The following KIAA0319 variants were observed in gnomAD, a reference collection of about 807,000 sequenced individuals.
KIAA0319 encodes dyslexia-associated protein KIAA0319.
Under a neutral mutation model 108.4 loss-of-function variants are expected in KIAA0319, and 83 were observed. The ratio of observed to expected loss-of-function variants is 0.77; its 90% CI spans 0.64 to 0.92. The LOEUF is 0.92. Ranked by LOEUF, KIAA0319 falls within the 40% of genes least tolerant of loss-of-function variation. The pLI, the probability that KIAA0319 is intolerant of heterozygous loss-of-function variation, is 0.00. For missense variants in KIAA0319, 1,195 were observed against 1,322.4 expected, an observed-to-expected ratio of 0.90 and a Z score of 1.49; for synonymous variants, 484 against 510.4, an observed-to-expected ratio of 0.95 and a Z score of 0.70.
chr6:24,629,514 CAAAAAAA>C (rs397974257), intron 1 of KIAA0319, among the ~76,000 whole-genome samples: 1 of 42,412 alleles, frequency 2.4e-5, no homozygotes, highest in African/African-American at 1.1e-4. Flanking sequence ...GACTCTGTCT[CAAAAAAA>C]AAAAAAAAAA....
chr6:24,646,186 T>A lies in KIAA0319; in HGVS notation c.-556A>T, dbSNP rs1479007396. ...CAGGCTCGGGGAAAGCGCGCGCCAG[T>A]GATTCAGCGCCTTTCCGCCGCCGCG... On this transcript the variant is annotated 5_prime_UTR_variant, in exon 1 of 21. Transcript: ENST00000378214. 1.3e-5 allele frequency: 2 copies of A among 152,098 alleles called. No homozygotes were observed. Among genetic ancestry groups the A allele is most frequent in the African/African-American group, 4.8e-5 (2 of 41,376 alleles). 9.4% of individuals were successfully genotyped at this position (152,098 alleles called of 1,614,324 possible).
chr6:24,603,904 G>A (rs1301613242), intron 1 of KIAA0319, among the ~76,000 whole-genome samples: 2 of 152,124 alleles, frequency 1.3e-5, no homozygotes, highest in Non-Finnish European at 2.9e-5. Flanking sequence ...CGACCACACC[G>A]AGCACAGCTG....
chr6:24,618,902 T>C (rs1272675235), intron 1 of KIAA0319, among the ~76,000 whole-genome samples: 2 of 152,148 alleles, frequency 1.3e-5, no homozygotes, highest in Admixed American at 6.5e-5. Context: ...ATGGGCTAAA[T>C]AGCAGATTAG....
At chr6:24,627,495 C>T (rs1193901210) in intron 1 of KIAA0319, among the ~76,000 whole-genome samples, 2 of 152,058 alleles carry the variant, frequency 1.3e-5, no homozygotes, top group Non-Finnish European at 2.9e-5. Flanking sequence ...TCCCTCCTTT[C>T]CTCTCTCCCT....
At chr6:24,588,507 A>G in intron 4 of KIAA0319, 86 bp downstream of exon 4, 1 of 1,098,944 alleles carries the variant, frequency 9.1e-7, no homozygotes, top group Non-Finnish European at 1.4e-6. Context: ...GCCTGGAGGG[A>G]ATGAGTAAAC....
chr6:24,576,290 T>C, intron 10 of KIAA0319, 78 bp downstream of exon 10: 1 of 1,130,706 alleles, frequency 8.8e-7, no homozygotes, highest in African/African-American at 1.5e-5. Context: ...TTTAACTGCC[T>C]ACCCCAACCA....
intron 1 of KIAA0319, among the ~76,000 whole-genome samples, chr6:24,613,848 C>T (rs1209514480): frequency 3.3e-5 from 5 of 152,156 alleles, no homozygotes; most frequent in African/African-American, 1.2e-4. Context: ...CGGCTAACAG[C>T]TTTCATCTCA....
downstream of KIAA0319, among the ~76,000 whole-genome samples, chr6:24,543,652 G>A (rs973483164): frequency 2.0e-5 from 3 of 152,100 alleles, no homozygotes; most frequent in African/African-American, 4.8e-5. Context: ...GGCTGGTCTC[G>A]AACTCCTGGA....
chr6:24,561,319 T>C (rs1433643983), intron 16 of KIAA0319, among the ~76,000 whole-genome samples: 1 of 152,254 alleles, frequency 6.6e-6, no homozygotes, highest in Non-Finnish European at 1.5e-5. Context: ...GGACTGTTCA[T>C]TCTTTAAACA....
chr6:24,602,817 G>T (rs1051481828), intron 1 of KIAA0319, among the ~76,000 whole-genome samples: 1 of 151,942 alleles, frequency 6.6e-6, no homozygotes, highest in Non-Finnish European at 1.5e-5. Flanking sequence ...AACAAAAAAA[G>T]AAAAGAAAAA....
chr6:24,581,761 C>T (rs762911113), intron 6 of KIAA0319, among the ~76,000 whole-genome samples: 4 of 152,198 alleles, frequency 2.6e-5, no homozygotes, highest in African/African-American at 7.2e-5. Flanking sequence ...AATAAAGAAA[C>T]GCCATCCAAA....
intron 4 of KIAA0319, among the ~76,000 whole-genome samples, chr6:24,585,773 T>C (rs1433492857): frequency 6.6e-6 from 1 of 152,120 alleles, no homozygotes; most frequent in Non-Finnish European, 1.5e-5. Context: ...CTGATTGATG[T>C]CTTATGTCTC....
chr6:24,578,644 C>T (rs1765889404), intron 8 of KIAA0319, among the ~76,000 whole-genome samples: 1 of 152,234 alleles, frequency 6.6e-6, no homozygotes, highest in Non-Finnish European at 1.5e-5. Flanking sequence ...CTTTCTACAA[C>T]TTACAAAACA....
chr6:24,629,514 C>CAAAAAAAAAAAAAAAAAAAAA (rs397974257), intron 1 of KIAA0319, among the ~76,000 whole-genome samples: 1 of 42,402 alleles, frequency 2.4e-5, no homozygotes. Context: ...GACTCTGTCT[C>CAAAAAAAAAAAAAAAAAAAAA]AAAAAAAAAA....
At chr6:24,594,575 C>T (rs573166344) in intron 3 of KIAA0319, among the ~76,000 whole-genome samples, 4 of 150,256 alleles carry the variant, frequency 2.7e-5, no homozygotes, top group East Asian at 3.9e-4. Context: ...TGCAGTAAGC[C>T]GAGATCATGC....
intron 2 of KIAA0319, chr6:24,598,635 G>C (rs1004469745): frequency 9.8e-6 from 3 of 306,388 alleles, no homozygotes; most frequent in Non-Finnish European, 1.9e-5. Context: ...CAACACTTTG[G>C]GAGGCCGAGG....
rs139576937 is a variant in KIAA0319, at chr6:24,559,128, G to C, written c.2619C>G (p.Ser873Arg). 5 of 1,613,504 alleles carry C rather than the reference G, an allele frequency of 3.1e-6. No individual in the cohort carries two copies. The highest frequency in any genetic ancestry group is 1.7e-5 in the Admixed American group (1 of 60,020). Residue 873 changes from serine (S) to arginine (R), a missense_variant, in exon 17 of 21, where the codon AGC becomes AGG. Transcript: ENST00000378214. ...LSTVIVFYVQ[S>R]RPPFKVLKAA... ...CTTTGAGAACCTTGAAAGGCGGCCT[G>C]CTCTGTACATAAAACACAATCACGG...
Position 24,596,443 on chromosome 6 carries a change from G to A in KIAA0319, c.231C>T (p.Cys77=). 6.2e-7 allele frequency: 1 copy of A among 1,614,208 alleles called. No homozygotes were observed. The highest frequency in any genetic ancestry group is 8.5e-7 in the Non-Finnish European group (1 of 1,180,032). ...CTTTGTGGGGGCAGCTCACCAGGTAGCAGCGGCCCTCGAACCACCAGGCCA... is the reference window on the plus strand; with the variant it reads ...CTTTGTGGGGGCAGCTCACCAGGTAACAGCGGCCCTCGAACCACCAGGCCA... The part of the protein sequence containing the change: ...CDLAWWFEGR[C]YLVSCPHKEN... Residue 77 remains cysteine (C), a synonymous_variant, in exon 3 of 21, where the codon TGC becomes TGT. Transcript: ENST00000378214.
intron 11 of KIAA0319, among the ~76,000 whole-genome samples, chr6:24,570,678 GAGGA>G (rs1396283742): frequency 1.6e-4 from 24 of 148,128 alleles, no homozygotes; most frequent in African/African-American, 5.7e-4. Context: ...AGGAAAGAGA[GAGGA>G]AGGAAGGGAG....
Sources: allele counts gnomAD v4.1 joint callset (sites outside exome capture counted in the v4.1 genomes callset), GRCh38; gene constraint gnomAD v4.1.1; transcripts MANE v1.5; gene names NCBI Gene and HGNC (gene_info 2026-07-23, HGNC 2026-07-21).